XIRP2: variants seen among roughly 807,000 people sequenced by gnomAD.
The protein encoded by XIRP2 is xin actin binding repeat containing 2.
Under a neutral mutation model 277.0 loss-of-function variants are expected in XIRP2, and 236 were observed. That is an observed-to-expected ratio of 0.85 (90% CI 0.77 to 0.95). The LOEUF (loss-of-function observed/expected upper bound fraction) is 0.95. Ranked by LOEUF, XIRP2 falls within the 40% of genes least tolerant of loss-of-function variation. The probability of loss-of-function intolerance (pLI) is 0.00; values close to 1 mark genes in which losing one functional copy is unlikely to be tolerated. For missense variants in XIRP2, 4,640 were observed against 4,157.5 expected (o/e 1.12, Z -3.19); for synonymous variants, 1,490 against 1,416.5 (o/e 1.05, Z -1.17).
intron 2 of XIRP2, among the ~76,000 whole-genome samples, chr2:167,025,507 T>G (rs1014462663): frequency 4.6e-5 from 7 of 151,798 alleles, no homozygotes; most frequent in Non-Finnish European, 1.0e-4. Flanking sequence ...CTTTTGAATG[T>G]GTTTGCTCTT....
chr2:167,167,561 A>G (rs1692561218), intron 3 of XIRP2, among the ~76,000 whole-genome samples: 1 of 152,088 alleles, frequency 6.6e-6, no homozygotes, highest in Non-Finnish European at 1.5e-5. Context: ...ATCCAAGTCC[A>G]CTTTCTAACA....
intron 2 of XIRP2, among the ~76,000 whole-genome samples, chr2:166,906,107 G>A (rs1684517405): frequency 6.6e-6 from 1 of 151,912 alleles, no homozygotes; most frequent in African/African-American, 2.4e-5. Context: ...GTGGAAAAAG[G>A]TATTCAATAT....
At chr2:167,050,613 G>T (rs1157190177) in intron 2 of XIRP2, among the ~76,000 whole-genome samples, 5 of 151,934 alleles carry the variant, frequency 3.3e-5, no homozygotes, top group Non-Finnish European at 7.4e-5. Context: ...ACACCCTATA[G>T]ATAATTTCAC....
intron 1 of XIRP2, among the ~76,000 whole-genome samples, chr2:166,896,501 A>G (rs1181692062): frequency 6.6e-6 from 1 of 151,850 alleles, no homozygotes; most frequent in Non-Finnish European, 1.5e-5. Flanking sequence ...AGTAAAAAAA[A>G]AAGAAAAAGT....
intron 3 of XIRP2, among the ~76,000 whole-genome samples, chr2:167,172,809 C>A (rs1045249538): frequency 6.6e-6 from 1 of 152,016 alleles, no homozygotes; most frequent in Non-Finnish European, 1.5e-5. Context: ...ATCACAGGGT[C>A]CTGAGGTGAC....
At position 167,005,959 on chromosome 2, in the gene XIRP2, A is replaced by G. The variant is rs147533291; in HGVS notation, c.408+102069A>G. Among the ~76,000 whole-genome samples the G allele has an allele frequency of 4.4e-3, 672 of 151,874 alleles. 2 individuals carry two copies. Among genetic ancestry groups the G allele is most frequent in the Middle Eastern group, 0.037 (11 of 294 alleles). On this transcript the variant is annotated intron_variant, in intron 2 of 10. Transcript: ENST00000409195. Reference sequence around the variant, plus strand: ...AATCTGTTTGGTCTGATGCGTGTCCACATCAGAATCATAACTCTTGGCACA... The same window carrying G: ...AATCTGTTTGGTCTGATGCGTGTCCGCATCAGAATCATAACTCTTGGCACA...
intron 4 of XIRP2, among the ~76,000 whole-genome samples, chr2:167,215,646 G>C (rs1371939234): frequency 6.6e-6 from 1 of 152,146 alleles, no homozygotes. Context: ...GGCTTTGAGG[G>C]TTATGTCAGG....
chr2:167,060,759 A>G (rs556006097), intron 2 of XIRP2, among the ~76,000 whole-genome samples: 1 of 152,272 alleles, frequency 6.6e-6, no homozygotes, highest in South Asian at 2.1e-4. Context: ...AATACTGTCA[A>G]TTACTAGAGA....
intron 2 of XIRP2, among the ~76,000 whole-genome samples, chr2:166,941,687 G>T (rs1685722586): frequency 6.6e-6 from 1 of 152,038 alleles, no homozygotes; most frequent in African/African-American, 2.4e-5. Flanking sequence ...CCTTAATGAT[G>T]ATTTTTTCAG....
intron 2 of XIRP2, among the ~76,000 whole-genome samples, chr2:167,043,501 C>T (rs1223393208): frequency 6.6e-6 from 1 of 151,832 alleles, no homozygotes; most frequent in African/African-American, 2.4e-5. Context: ...TCAGAAATGA[C>T]AAAAGTGACA....
At chr2:167,083,276 G>T (rs777558187) in intron 2 of XIRP2, among the ~76,000 whole-genome samples, 24 of 152,096 alleles carry the variant, frequency 1.6e-4, no homozygotes, top group Non-Finnish European at 3.4e-4. Flanking sequence ...TTATTTCTGA[G>T]GGCTCTGTTC....
chr2:167,233,406 T>C (rs1694813637), intron 5 of XIRP2, among the ~76,000 whole-genome samples: 1 of 151,946 alleles, frequency 6.6e-6, no homozygotes. Flanking sequence ...TTATTCTGGC[T>C]GTATAAGATT....
At chr2:167,171,299 CT>C (rs1361282677) in intron 3 of XIRP2, among the ~76,000 whole-genome samples, 2 of 152,156 alleles carry the variant, frequency 1.3e-5, no homozygotes, top group African/African-American at 4.8e-5. Flanking sequence ...TTATCATTCA[CT>C]TAAAATTTTA....
intron 2 of XIRP2, among the ~76,000 whole-genome samples, chr2:166,997,442 A>T (rs1387630633): frequency 1.3e-5 from 2 of 152,222 alleles, no homozygotes; most frequent in Non-Finnish European, 2.9e-5. Flanking sequence ...TTGCTAAGAA[A>T]ATCTGATTCA....
intron 3 of XIRP2, among the ~76,000 whole-genome samples, chr2:167,152,094 T>G (rs1402037489): frequency 1.3e-5 from 2 of 152,144 alleles, no homozygotes; most frequent in Non-Finnish European, 2.9e-5. Flanking sequence ...TGTGTACTTG[T>G]GTTTCAGATG....
chr2:166,953,986 C>A (rs1381136361), intron 2 of XIRP2, among the ~76,000 whole-genome samples: 1 of 151,598 alleles, frequency 6.6e-6, no homozygotes, highest in East Asian at 1.9e-4. Context: ...AGGAATTTTC[C>A]CCACATATTT....
At position 166,925,589 on chromosome 2, in the gene XIRP2, GTATATACATATATATA is replaced by G. The variant is rs1390341090; in HGVS notation, c.408+21706_408+21721del. 9.2e-4 allele frequency among the ~76,000 whole-genome samples: 97 copies of G among 105,976 alleles called. 1 individual carries two copies. Among genetic ancestry groups the G allele is most frequent in the African/African-American group, 4.1e-3 (93 of 22,486 alleles). The allele number at this position is 105,976 out of a possible 152,430, so 69.5% of individuals were successfully genotyped here. ...TGTGTATGTATGTGTGTGTGTATGT[GTATATACATATATATA>G]TATATATATATATATATATATACAT... On this transcript the variant is annotated intron_variant, in intron 2 of 10. Transcript: ENST00000409195.
At chr2:167,126,210 C>G (rs1004841070) in intron 2 of XIRP2, among the ~76,000 whole-genome samples, 2 of 151,960 alleles carry the variant, frequency 1.3e-5, no homozygotes, top group Admixed American at 1.3e-4. Flanking sequence ...CACTCTCACT[C>G]TCTCTTTCTC....
chr2:167,165,015 A>G (rs1326484176), intron 3 of XIRP2, among the ~76,000 whole-genome samples: 3 of 152,108 alleles, frequency 2.0e-5, no homozygotes, highest in Admixed American at 6.5e-5. Flanking sequence ...CCCTCCTCCC[A>G]ATAACCCCTG....
Sources: allele counts gnomAD v4.1 joint callset (sites outside exome capture counted in the v4.1 genomes callset), GRCh38; gene constraint gnomAD v4.1.1; transcripts MANE v1.5; gene names NCBI Gene and HGNC (gene_info 2026-07-23, HGNC 2026-07-21).